Variants in HADHA observed in about 807,000 individuals in gnomAD.
HADHA encodes the protein hydroxyacyl-CoA dehydrogenase trifunctional multienzyme complex subunit alpha, also known as trifunctional enzyme subunit alpha, mitochondrial.
In HADHA, 59 loss-of-function variants were observed where a neutral mutation model predicts 91.3. The ratio of observed to expected loss-of-function variants is 0.65; its 90% CI spans 0.52 to 0.80. The LOEUF is 0.80. Ranked by LOEUF, HADHA falls within the 30% of genes least tolerant of loss-of-function variation. HADHA has a pLI of 0.00. For synonymous variants in HADHA, 320 were observed against 338.9 expected (o/e 0.94, Z 0.61); for missense variants, 800 against 927.6 (o/e 0.86, Z 1.79).
intron 4 of HADHA, among the ~76,000 whole-genome samples, chr2:26,235,527 C>G (rs953495698): frequency 7.2e-5 from 11 of 152,212 alleles, no homozygotes; most frequent in African/African-American, 2.4e-4. Context: ...ATATAGGTAG[C>G]TACTGCCAGG....
chr2:26,193,693 T>G lies in HADHA; in HGVS notation c.1769A>C (p.Glu590Ala). ...FPVGAATLVD[E>A]VGVDVAKHVA... The stretch of plus-strand genomic sequence containing the variant: ...ATGTTTCGCTACATCCACACCAACT[T>G]CATCCACCAGTGTGGCGGCACCCAC... The change falls in exon 17 of 20, where the codon GAA (glutamate) becomes GCA (alanine). Residue 590 changes from glutamate to alanine, a missense_variant. Glu to Ala is a moderately radical substitution (Grantham distance 107, BLOSUM62 -1). Transcript: ENST00000380649. The G allele has an allele frequency of 6.2e-7, 1 of 1,614,028 alleles. No individual in the cohort carries two copies. The highest frequency in any genetic ancestry group is 8.5e-7 in the Non-Finnish European group (1 of 1,179,952).
chr2:26,224,587 GA>G (rs1670446018), intron 7 of HADHA, among the ~76,000 whole-genome samples: 1 of 152,216 alleles, frequency 6.6e-6, no homozygotes, highest in Non-Finnish European at 1.5e-5. Flanking sequence ...AGAGAAGAGT[GA>G]ATTTCACCCA....
At chr2:26,236,392 G>C (rs1670759763) in intron 4 of HADHA, among the ~76,000 whole-genome samples, 1 of 100,112 alleles carries the variant, frequency 1.0e-5, no homozygotes, top group African/African-American at 3.2e-5. Flanking sequence ...GTGTGTGTGT[G>C]TGTGTGTGTG....
rs569105049 is a variant in HADHA, at chr2:26,192,127, G to C, written c.2000+183C>G. ...CATCAGGAGTGGTCCTCCTGTTCAGGTATGGTGGTCACAAAGAAAATGGAA... is the reference window on the plus strand; with the variant it reads ...CATCAGGAGTGGTCCTCCTGTTCAGCTATGGTGGTCACAAAGAAAATGGAA... On this transcript the variant is annotated intron_variant, in intron 18 of 19. Coordinates refer to ENST00000380649, the MANE Select transcript of HADHA (RefSeq NM_000182.5). 2.0e-5 allele frequency among the ~76,000 whole-genome samples: 3 copies of C among 152,176 alleles called. No individual in the cohort carries two copies. In the East Asian group the frequency reaches 5.8e-4, roughly 29 times the overall value.
rs116792319 is a variant in HADHA at position 26,233,733 on chromosome 2, T to C, written c.453+484A>G. ...CCTTCATTTACTTGCTTTGTGCCAC[T>C]TGCTCTGTGTCATGTGGATTAAGGA... On this transcript the variant is annotated intron_variant, in intron 5 of 19. Transcript: ENST00000380649. Among the ~76,000 whole-genome samples, 1,076 of 152,340 alleles carry C rather than the reference T, an allele frequency of 7.1e-3. 4 individuals carry two copies. Among genetic ancestry groups the C allele is most frequent in the Non-Finnish European group, 0.011 (751 of 68,024 alleles).
intron 14 of HADHA, among the ~76,000 whole-genome samples, chr2:26,195,552 T>C (rs1669644314): frequency 6.7e-6 from 1 of 149,738 alleles, no homozygotes; most frequent in Non-Finnish European, 1.5e-5. Context: ...GTTCCACTTA[T>C]ATTAATGATA....
chr2:26,220,439 G>C (rs1431959400), intron 7 of HADHA, among the ~76,000 whole-genome samples: 1 of 152,232 alleles, frequency 6.6e-6, no homozygotes, highest in Non-Finnish European at 1.5e-5. Context: ...GCAGAGATTA[G>C]TGTCACCATC....
At chr2:26,192,029 G>A (rs549403060) in intron 18 of HADHA, among the ~76,000 whole-genome samples, 2 of 152,280 alleles carry the variant, frequency 1.3e-5, no homozygotes, top group Non-Finnish European at 2.9e-5. Context: ...ACGTGGCCTG[G>A]TTCTCACCTA....
chr2:26,243,196 C>T (rs184179796), intron 1 of HADHA: 4 of 152,176 alleles, frequency 2.6e-5, no homozygotes, highest in Non-Finnish European at 5.9e-5. Context: ...TGACTAGAAC[C>T]ACGTGCCCTG....
chr2:26,196,949 G>A (rs1669692174), intron 14 of HADHA, among the ~76,000 whole-genome samples: 1 of 152,198 alleles, frequency 6.6e-6, no homozygotes, highest in African/African-American at 2.4e-5. Flanking sequence ...AATCTGCTGT[G>A]TGCTAGGAAA....
At chr2:26,215,384 C>T (rs138679983) in intron 7 of HADHA, among the ~76,000 whole-genome samples, 312 of 152,244 alleles carry the variant, frequency 2.0e-3, no homozygotes, top group African/African-American at 6.8e-3. Context: ...GTAGAAAACG[C>T]GGTCTTTAAC....
rs1553315305 is a variant in HADHA, at chr2:26,229,348, G to GCGCACACACACACACA, written c.676+843_676+844insTGTGTGTGTGTGTGCG. Among the ~76,000 whole-genome samples the GCGCACACACACACACA allele has an allele frequency of 2.0e-5, 3 of 147,520 alleles. No homozygotes were observed. Among genetic ancestry groups the GCGCACACACACACACA allele is most frequent in the Admixed American group, 6.7e-5 (1 of 14,890 alleles). On this transcript the variant is annotated intron_variant, in intron 7 of 19. Coordinates refer to ENST00000380649, the MANE Select transcript of HADHA (RefSeq NM_000182.5). This position sits in a 1 kb window ranked among gnomAD's most constrained non-coding sequence, Gnocchi z 4.3. ...GTGAGACCCCAACATGTGTGCGCGC[G>GCGCACACACACACACA]CACACACACACACACACACACACAC...
Position 26,192,411 on chromosome 2 carries a change from C to T in HADHA, c.1899G>A (p.Gly633=). 3 of 1,574,552 alleles carry T rather than the reference C, an allele frequency of 1.9e-6. No individual in the cohort carries two copies. The highest frequency in any genetic ancestry group is 2.6e-6 in the Non-Finnish European group (3 of 1,143,840). Reference sequence around the variant, plus strand: ...CCTCCTGATAGATGTAAAAGCCCTTCCCAGATTTACGACCTAAAACAGGCA... The same window carrying T: ...CCTCCTGATAGATGTAAAAGCCCTTTCCAGATTTACGACCTAAAACAGGCA... ...VSKGFLGRKS[G]KGFYIYQEGV... The change falls in exon 18 of 20, where the codon GGG becomes GGA. Residue 633 remains glycine, a synonymous_variant. Coordinates refer to ENST00000380649, the MANE Select transcript of HADHA (RefSeq NM_000182.5).
chr2:26,238,647 T>C lies in HADHA; in HGVS notation c.180+287A>G, dbSNP rs564188924. ...AAATTTTGAGTCTTATAAACAAAGCTTGTACTCTGGTTCTTCTCTAATAAG... is the reference window on the plus strand; with the variant it reads ...AAATTTTGAGTCTTATAAACAAAGCCTGTACTCTGGTTCTTCTCTAATAAG... On this transcript the variant is annotated intron_variant, in intron 3 of 19. Transcript: ENST00000380649. 3.5e-4 allele frequency among the ~76,000 whole-genome samples: 54 copies of C among 152,316 alleles called. 1 individual carries two copies. Among genetic ancestry groups the C allele is most frequent in the Middle Eastern group, 3.4e-3 (1 of 294 alleles).
chr2:26,223,086 T>G (rs1670410797), intron 7 of HADHA, among the ~76,000 whole-genome samples: 1 of 152,202 alleles, frequency 6.6e-6, no homozygotes, highest in Admixed American at 6.5e-5. Flanking sequence ...GGGCTCTGCC[T>G]GTCTAGAGGG....
chr2:26,234,136 A>C (rs987629888), intron 5 of HADHA, 81 bp downstream of exon 5: 1 of 1,368,210 alleles, frequency 7.3e-7, no homozygotes, highest in Middle Eastern at 1.8e-4. Flanking sequence ...TTTCCAGGCA[A>C]AGCAGTAGCC....
intron 11 of HADHA, among the ~76,000 whole-genome samples, chr2:26,205,123 C>T (rs931043753): frequency 6.6e-6 from 1 of 152,122 alleles, no homozygotes; most frequent in Non-Finnish European, 1.5e-5. Flanking sequence ...AAATTCTAAG[C>T]CTTTTGAGGA....
intron 7 of HADHA, among the ~76,000 whole-genome samples, chr2:26,216,550 A>C (rs575208873): frequency 1.8e-3 from 278 of 152,074 alleles, no homozygotes; most frequent in Non-Finnish European, 3.3e-3. Context: ...TGAATTCCTG[A>C]CCTCAAATGA....
intron 18 of HADHA, 149 bp downstream of exon 18, chr2:26,192,161 C>T (rs111417710): frequency 4.8e-6 from 3 of 622,572 alleles, no homozygotes; most frequent in Non-Finnish European, 8.6e-6. Context: ...AAGACAGCAC[C>T]ATGGCACGTG....
Sources: gnomAD v4.1 joint callset for allele counts (sites outside exome capture counted in the v4.1 genomes callset) on GRCh38, gnomAD v4.1.1 for gene constraint, Gnocchi (gnomAD v3.1) non-coding constraint, MANE v1.5 for transcripts, NCBI Gene and HGNC (gene_info 2026-07-23, HGNC 2026-07-21) for gene names.